Variants in CTNNA3 observed in about 807,000 individuals in gnomAD.
CTNNA3 encodes catenin alpha 3.
A neutral mutation model predicts 95.7 loss-of-function variants in CTNNA3; 76 were observed. The observed-to-expected ratio is 0.79, with a 90% CI of 0.66 to 0.96. CTNNA3 has a LOEUF of 0.96. Ranked by LOEUF, CTNNA3 falls within the 40% of genes least tolerant of loss-of-function variation. The pLI, the probability that CTNNA3 is intolerant of heterozygous loss-of-function variation, is 0.00. For synonymous variants in CTNNA3, 431 were observed against 374.4 expected (o/e 1.15, Z -1.74); for missense variants, 1,191 against 1,089.8 (o/e 1.09, Z -1.31).
At chr10:67,252,419 C>T (rs1866148146) in intron 5 of CTNNA3, among the ~76,000 whole-genome samples, 1 of 152,066 alleles carries the variant, frequency 6.6e-6, no homozygotes, top group South Asian at 2.1e-4. Context: ...TTTTCCTATA[C>T]ATACATACCT....
In CTNNA3 at chr10:66,370,625, C is replaced by T. The variant is rs556442970; in HGVS notation, c.1732+8527G>A. Among the ~76,000 whole-genome samples, 4 of 152,234 alleles carry T rather than the reference C, an allele frequency of 2.6e-5. No individual in the cohort carries two copies. The East Asian group carries it at 7.7e-4, about 29-fold the overall frequency. On this transcript the variant is annotated intron_variant, in intron 12 of 17. Transcript: ENST00000433211. Reference sequence around the variant, plus strand: ...CAAGGTAGCTGGGAAGGAGCTAAAACTGCTTGATAACTGCAGAGCCTCTGA... The same window carrying T: ...CAAGGTAGCTGGGAAGGAGCTAAAATTGCTTGATAACTGCAGAGCCTCTGA...
Position 66,328,240 on chromosome 10 carries a change from G to A in CTNNA3, c.1733-47619C>T, listed in dbSNP as rs537896902. Among the ~76,000 whole-genome samples, 113 of 152,184 alleles carry A rather than the reference G, an allele frequency of 7.4e-4. 2 individuals are homozygous for A. Among genetic ancestry groups the A allele is most frequent in the Admixed American group, 1.9e-3 (29 of 15,282 alleles). On this transcript the variant is annotated intron_variant, in intron 12 of 17. Coordinates refer to ENST00000433211, the MANE Select transcript of CTNNA3 (RefSeq NM_013266.4). ...AATCTTGATAAGAAAGCTTCAAGGT[G>A]AGCATTATTATTGTCATGTTATAAA...
At chr10:67,304,478 A>G (rs1377182202) in intron 5 of CTNNA3, among the ~76,000 whole-genome samples, 1 of 152,182 alleles carries the variant, frequency 6.6e-6, no homozygotes, top group African/African-American at 2.4e-5. Context: ...AGAAAATAAA[A>G]GTAAGACTGA....
intron 7 of CTNNA3, among the ~76,000 whole-genome samples, chr10:67,137,367 C>A (rs1336123170): frequency 3.3e-5 from 5 of 151,918 alleles, no homozygotes; most frequent in African/African-American, 1.2e-4. Flanking sequence ...ATAGATTGAG[C>A]CTATCATGTT....
At chr10:66,494,040 T>C (rs2456676) in intron 11 of CTNNA3, among the ~76,000 whole-genome samples, 28,746 of 145,780 alleles carry the variant, frequency 0.2, 5,110 homozygotes, top group East Asian at 0.84. Context: ...CTCGAGTAGC[T>C]AGGACTACAG....
Position 67,548,079 on chromosome 10 carries a change from T to C in CTNNA3, c.293-8410A>G, listed in dbSNP as rs4745938. 0.024 allele frequency among the ~76,000 whole-genome samples: 3,683 copies of C among 152,160 alleles called. 300 individuals carry two copies. In the East Asian group the frequency reaches 0.29, roughly 12 times the overall value. ...TGGGACCCAGTGGGAGGTGTTTGGG[T>C]CATGAGGGTGCATCCCTTATGAATG... On this transcript the variant is annotated intron_variant, in intron 3 of 17. Coordinates refer to ENST00000433211, the MANE Select transcript of CTNNA3 (RefSeq NM_013266.4).
At chr10:66,677,034 A>G (rs1846883485) in intron 9 of CTNNA3, among the ~76,000 whole-genome samples, 1 of 152,110 alleles carries the variant, frequency 6.6e-6, no homozygotes, top group South Asian at 2.1e-4. Flanking sequence ...GAAGAAATAC[A>G]TTAATTTAGT....
intron 5 of CTNNA3, among the ~76,000 whole-genome samples, chr10:67,231,239 AAGAC>A (rs1292888205): frequency 1.3e-5 from 2 of 152,222 alleles, no homozygotes; most frequent in Non-Finnish European, 2.9e-5. Context: ...GACAAACAGA[AAGAC>A]AGCAGTAACC....
chr10:66,810,078 T>G (rs1204622436), intron 7 of CTNNA3, among the ~76,000 whole-genome samples: 1 of 152,228 alleles, frequency 6.6e-6, no homozygotes, highest in Non-Finnish European at 1.5e-5. Context: ...GTGCTGGGAT[T>G]GAATTGCAGA....
At chr10:66,563,975 T>C (rs1003288013) in intron 10 of CTNNA3, among the ~76,000 whole-genome samples, 1 of 152,042 alleles carries the variant, frequency 6.6e-6, no homozygotes, top group Admixed American at 6.6e-5. Flanking sequence ...TGATGTCTCA[T>C]GTCTCCCGAA....
intron 12 of CTNNA3, among the ~76,000 whole-genome samples, chr10:66,310,831 C>T (rs1179390718): frequency 1.3e-5 from 2 of 151,814 alleles, no homozygotes; most frequent in African/African-American, 4.8e-5. Context: ...CTACAGGCAC[C>T]CACAACAACG....
intron 11 of CTNNA3, among the ~76,000 whole-genome samples, chr10:66,479,616 G>T (rs1329846746): frequency 1.3e-5 from 2 of 151,778 alleles, no homozygotes; most frequent in Admixed American, 6.6e-5. Flanking sequence ...TTTCAAAAGT[G>T]TATTAAAATT....
intron 7 of CTNNA3, among the ~76,000 whole-genome samples, chr10:66,938,058 T>C (rs1847807085): frequency 1.3e-5 from 2 of 152,196 alleles, no homozygotes; most frequent in South Asian, 2.1e-4. Context: ...GAATTGATTT[T>C]CTGGTCATTA....
chr10:66,940,601 T>G (rs1847946274), intron 7 of CTNNA3, among the ~76,000 whole-genome samples: 1 of 152,240 alleles, frequency 6.6e-6, no homozygotes, highest in African/African-American at 2.4e-5. Context: ...TCAGCAGCTT[T>G]AAATATGAAA....
intron 1 of CTNNA3, among the ~76,000 whole-genome samples, chr10:67,665,098 G>T (rs1202034542): frequency 3.9e-5 from 6 of 152,180 alleles, no homozygotes; most frequent in African/African-American, 1.4e-4. Flanking sequence ...TTACAGAGTA[G>T]GAGTTTTTAA....
chr10:65,921,175 G>A (rs2077080528), intron 17 of CTNNA3, among the ~76,000 whole-genome samples: 1 of 152,158 alleles, frequency 6.6e-6, no homozygotes, highest in Non-Finnish European at 1.5e-5. Context: ...TAAAGGACTT[G>A]CTCTTAAAAA....
Position 66,927,938 on chromosome 10 carries a change from C to T in CTNNA3, c.1048-152414G>A. ...CTAAGGGAGAATACAATTATCTGTG[C>T]CAGTCCCAAAGAGCTGCAAGGAGTA... is the stretch of plus-strand genomic sequence containing the variant. On this transcript the variant is annotated intron_variant, in intron 7 of 17. Coordinates refer to ENST00000433211, the MANE Select transcript of CTNNA3 (RefSeq NM_013266.4). The surrounding 1 kb of genome is among the most constrained non-coding windows in gnomAD (Gnocchi z 4.7). 1.2e-6 allele frequency: 2 copies of T among 1,614,206 alleles called. No individual in the cohort carries two copies. Among genetic ancestry groups the T allele is most frequent in the South Asian group, 2.2e-5 (2 of 91,082 alleles).
chr10:66,922,429 T>C (rs1005649629), intron 7 of CTNNA3, among the ~76,000 whole-genome samples: 4 of 152,254 alleles, frequency 2.6e-5, no homozygotes, highest in African/African-American at 9.6e-5. Context: ...CTTGAGGGAC[T>C]ACTCTATGTC....
intron 7 of CTNNA3, among the ~76,000 whole-genome samples, chr10:66,903,089 G>T (rs958825798): frequency 1.3e-5 from 2 of 152,058 alleles, no homozygotes; most frequent in African/African-American, 4.8e-5. Flanking sequence ...GAGAATTTTA[G>T]ACCAATATCC....
Sources: allele counts gnomAD v4.1 joint callset (sites outside exome capture counted in the v4.1 genomes callset), GRCh38; gene constraint gnomAD v4.1.1; non-coding constraint Gnocchi (gnomAD v3.1); transcripts MANE v1.5; gene names NCBI Gene and HGNC (gene_info 2026-07-23, HGNC 2026-07-21).